The following CC2D2A variants were observed in gnomAD, a reference collection of about 807,000 sequenced individuals.
CC2D2A encodes coiled-coil and C2 domain containing 2A.
Under a neutral mutation model 212.9 loss-of-function variants are expected in CC2D2A, and 155 were observed. The observed-to-expected ratio is 0.73, with a 90% CI of 0.64 to 0.83. The LOEUF (loss-of-function observed/expected upper bound fraction) is 0.83, where lower values mean the gene tolerates loss of function less well. Among genes scored for constraint, CC2D2A ranks in the 40% least tolerant of loss-of-function variants. The probability of loss-of-function intolerance (pLI) is 0.00; values close to 1 mark genes in which losing one functional copy is unlikely to be tolerated. For missense variants in CC2D2A, 1,856 were observed against 1,956.2 expected (o/e 0.95, Z 0.97); for synonymous variants, 667 against 686.5 (o/e 0.97, Z 0.44).
intron 4 of CC2D2A, among the ~76,000 whole-genome samples, chr4:15,484,301 C>T (rs749676355): frequency 2.6e-5 from 4 of 152,004 alleles, no homozygotes; most frequent in African/African-American, 9.7e-5. Flanking sequence ...GGGGCAAGGG[C>T]AGTGGAGAGT....
At chr4:15,553,116 C>T in intron 18 of CC2D2A, 42 bp from the exon 19 acceptor site, 3 of 1,546,068 alleles carry the variant, frequency 1.9e-6, no homozygotes, top group Non-Finnish European at 2.6e-6. Flanking sequence ...GGCTCAGTCC[C>T]TCTTTCTAAA....
chr4:15,531,266 C>A (rs1346451147), intron 13 of CC2D2A, among the ~76,000 whole-genome samples: 1 of 152,184 alleles, frequency 6.6e-6, no homozygotes, highest in Non-Finnish European at 1.5e-5. Context: ...ACCTCTCAGC[C>A]TGCTCAGTGC....
At chr4:15,576,301 GAGA>G (rs778501809) in intron 29 of CC2D2A, 9 of 723,572 alleles carry the variant, frequency 1.2e-5, no homozygotes, top group Non-Finnish European at 1.5e-5. Context: ...ATTCAGGAAA[GAGA>G]AGGTCTCATC....
At chr4:15,545,069 G>A (rs562009110) in intron 17 of CC2D2A, among the ~76,000 whole-genome samples, 1 of 152,256 alleles carries the variant, frequency 6.6e-6, no homozygotes, top group Non-Finnish European at 1.5e-5. Flanking sequence ...TTTTAAGACT[G>A]AGTAGTGACT....
chr4:15,568,654 G>A (rs1022938145), intron 26 of CC2D2A, among the ~76,000 whole-genome samples: 4 of 152,188 alleles, frequency 2.6e-5, no homozygotes, highest in Non-Finnish European at 5.9e-5. Flanking sequence ...ATTATGCACA[G>A]AACAGCAAAA....
intron 7 of CC2D2A, 30 bp downstream of exon 7, chr4:15,510,270 G>A: frequency 1.3e-6 from 2 of 1,575,596 alleles, no homozygotes; most frequent in African/African-American, 1.4e-5. Flanking sequence ...AAAATCATTT[G>A]TTTGTTTGTG....
chr4:15,544,720 G>A (rs991505679), intron 17 of CC2D2A, among the ~76,000 whole-genome samples: 1 of 152,158 alleles, frequency 6.6e-6, no homozygotes, highest in Non-Finnish European at 1.5e-5. Context: ...CAGCACACCA[G>A]TATTTTATTT....
chr4:15,516,766 C>A lies in CC2D2A; in HGVS notation c.1149+10C>A. On this transcript the variant is annotated intron_variant, in intron 11 of 36. Coordinates refer to ENST00000424120, the MANE Select transcript of CC2D2A (RefSeq NM_001378615.1). ...AACACTGTATAAAAAGGTAGACACT[C>A]CCCTCTCTCCACTTTTATTAAATGA... is the stretch of plus-strand genomic sequence containing the variant. 1.2e-6 allele frequency: 2 copies of A among 1,607,300 alleles called. No homozygotes were observed. Among genetic ancestry groups the A allele is most frequent in the South Asian group, 2.2e-5 (2 of 89,520 alleles).
At chr4:15,524,868 C>G (rs1386737524) in intron 11 of CC2D2A, among the ~76,000 whole-genome samples, 1 of 152,188 alleles carries the variant, frequency 6.6e-6, no homozygotes, top group African/African-American at 2.4e-5. Flanking sequence ...AAAATCAAAT[C>G]AATTTTAAAG....
At chr4:15,488,339 G>T (rs1418971732) in intron 4 of CC2D2A, among the ~76,000 whole-genome samples, 1 of 152,142 alleles carries the variant, frequency 6.6e-6, no homozygotes, top group East Asian at 1.9e-4. Flanking sequence ...AATACTCTAA[G>T]TTGGAAGTTT....
Position 15,533,352 on chromosome 4 carries a change from T to G in CC2D2A, c.1607+19T>G, listed in dbSNP as rs1323263827. ...TGAGAAAGTAGGCTTTTTTGAAAAATTATTTTATTGGGCTATATCATACAT... is the reference window on the plus strand; with the variant it reads ...TGAGAAAGTAGGCTTTTTTGAAAAAGTATTTTATTGGGCTATATCATACAT... On this transcript the variant is annotated intron_variant, in intron 14 of 36. Coordinates refer to ENST00000424120, the MANE Select transcript of CC2D2A (RefSeq NM_001378615.1). 1 of 1,503,406 alleles carries G rather than the reference T, an allele frequency of 6.7e-7. No individual in the cohort carries two copies. Among genetic ancestry groups the G allele is most frequent in the Non-Finnish European group, 8.9e-7 (1 of 1,119,820 alleles). 93.1% of individuals were successfully genotyped at this position (1,503,406 alleles called of 1,614,324 possible).
chr4:15,559,052 A>G, intron 21 of CC2D2A, 113 bp from the exon 22 acceptor site: 1 of 720,712 alleles, frequency 1.4e-6, no homozygotes, highest in Non-Finnish European at 2.3e-6. Flanking sequence ...AGAAGGTGGA[A>G]GAAATATTTA....
chr4:15,567,695 G>C lies in CC2D2A; in HGVS notation c.3307G>C (p.Val1103Leu). ...PLGQVLVRPF[V>L]EVSFQRTVCH... is the part of the protein sequence containing the mutation. ...TTTTAAGGTTTTAGTACGTCCCTTT[G>C]TAGAAGTCTCTTTTCAACGAACAGT... The change falls in exon 26 of 37, where the codon GTA becomes CTA. Residue 1103 changes from valine to leucine, a missense_variant. Coordinates refer to ENST00000424120, the MANE Select transcript of CC2D2A (RefSeq NM_001378615.1). 6.2e-7 allele frequency: 1 copy of C among 1,603,624 alleles called. No homozygotes were observed. Among genetic ancestry groups the C allele is most frequent in the Non-Finnish European group, 8.5e-7 (1 of 1,177,214 alleles).
intron 29 of CC2D2A, chr4:15,576,425 A>G (rs1455982011): frequency 1.0e-6 from 1 of 971,158 alleles, no homozygotes; most frequent in Non-Finnish European, 1.2e-6. Flanking sequence ...GAACCATTCC[A>G]TAGGATGTTT....
chr4:15,487,529 A>G lies in CC2D2A; in HGVS notation c.247+6702A>G, dbSNP rs1715063201. Among the ~76,000 whole-genome samples, 3 of 152,002 alleles carry G rather than the reference A, an allele frequency of 2.0e-5. No homozygotes were observed. The South Asian group carries it at 6.2e-4, about 31-fold the overall frequency. ...ACCCCTTTATTTTCAGTCTATGTGC[A>G]TCTTTACAGGTGAAATGAGTTTCTT... On this transcript the variant is annotated intron_variant, in intron 4 of 36. Coordinates refer to ENST00000424120, the MANE Select transcript of CC2D2A (RefSeq NM_001378615.1).
At chr4:15,555,556 T>A (rs2109055936) in intron 20 of CC2D2A, among the ~76,000 whole-genome samples, 1 of 152,236 alleles carries the variant, frequency 6.6e-6, no homozygotes, top group South Asian at 2.1e-4. Flanking sequence ...CTGGGCAACA[T>A]GGCGAAACCC....
intron 4 of CC2D2A, among the ~76,000 whole-genome samples, chr4:15,484,857 T>G (rs1160258904): frequency 6.6e-6 from 1 of 152,100 alleles, no homozygotes. Flanking sequence ...GATCTGGTGG[T>G]TGGGGAGAGG....
chr4:15,600,313 A>C (rs1326828353), intron 36 of CC2D2A, among the ~76,000 whole-genome samples: 2 of 152,200 alleles, frequency 1.3e-5, no homozygotes, highest in African/African-American at 4.8e-5. Flanking sequence ...AAAAGGCTTG[A>C]GCAATAGAGA....
At chr4:15,587,003 G>A (rs61342603) in intron 31 of CC2D2A, among the ~76,000 whole-genome samples, 46 of 152,292 alleles carry the variant, frequency 3.0e-4, no homozygotes, top group African/African-American at 1.0e-3. Context: ...AGAAGTTACT[G>A]AAAGACTAGA....
Sources: allele counts gnomAD v4.1 joint callset (sites outside exome capture counted in the v4.1 genomes callset), GRCh38; gene constraint gnomAD v4.1.1; transcripts MANE v1.5; gene names NCBI Gene and HGNC (gene_info 2026-07-23, HGNC 2026-07-21).